TRAPPC9: variants seen among roughly 807,000 people sequenced by gnomAD.
TRAPPC9 encodes the protein trafficking protein particle complex subunit 9.
TRAPPC9 carries 83 observed loss-of-function variants against 124.0 expected under a neutral mutation model. The observed-to-expected ratio is 0.67, with a 90% confidence interval of 0.56 to 0.80. TRAPPC9 has a LOEUF of 0.80. TRAPPC9 is among the 30% of genes least tolerant of loss of function. The pLI is 0.00. For synonymous variants in TRAPPC9, 638 were observed against 617.5 expected (o/e 1.03, Z -0.49); for missense variants, 1,302 against 1,508.3 (o/e 0.86, Z 2.27).
intron 17 of TRAPPC9, among the ~76,000 whole-genome samples, chr8:140,050,264 C>T (rs1441326664): frequency 1.1e-4 from 17 of 152,236 alleles, no homozygotes. Flanking sequence ...TTCATTTGAA[C>T]TTCCCTTTAA....
chr8:140,424,978 CA>C (rs1225274361), intron 5 of TRAPPC9, among the ~76,000 whole-genome samples: 37 of 152,176 alleles, frequency 2.4e-4, no homozygotes, highest in African/African-American at 8.4e-4. Context: ...GGGAGCTGAA[CA>C]ATTTTACAAC....
At chr8:140,364,065 G>A (rs2068031237) in intron 8 of TRAPPC9, among the ~76,000 whole-genome samples, 1 of 152,170 alleles carries the variant, frequency 6.6e-6, no homozygotes, top group African/African-American at 2.4e-5. Context: ...GCATCCAGCT[G>A]TGACCTGAGG....
chr8:139,751,852 TATTCATCCATCCACTCACCATCTACCC>T (rs1467965772), intron 21 of TRAPPC9, among the ~76,000 whole-genome samples: 1 of 150,664 alleles, frequency 6.6e-6, no homozygotes, highest in Admixed American at 6.6e-5. Context: ...ATCTATCCAC[TATTCATCCATCCACTCACCATCTACCC>T]ATCCATCCAT....
chr8:139,955,085 T>C (rs746195374), intron 19 of TRAPPC9, among the ~76,000 whole-genome samples: 7 of 152,224 alleles, frequency 4.6e-5, no homozygotes, highest in Non-Finnish European at 8.8e-5. Flanking sequence ...GTTTTTATTA[T>C]AGTACTGGTT....
chr8:140,201,984 T>G (rs1435307648), intron 17 of TRAPPC9, among the ~76,000 whole-genome samples: 1 of 151,924 alleles, frequency 6.6e-6, no homozygotes, highest in African/African-American at 2.4e-5. Context: ...ATGTGGAAGG[T>G]TCCAGCATCG....
At chr8:140,124,652 G>T (rs1012427269) in intron 17 of TRAPPC9, among the ~76,000 whole-genome samples, 1 of 152,094 alleles carries the variant, frequency 6.6e-6, no homozygotes, top group Non-Finnish European at 1.5e-5. Flanking sequence ...CACCACGCAG[G>T]CAGGGAAGCA....
chr8:139,857,463 G>A (rs753826916), intron 21 of TRAPPC9, among the ~76,000 whole-genome samples: 1 of 152,148 alleles, frequency 6.6e-6, no homozygotes, highest in East Asian at 1.9e-4. Context: ...TGGGGAAGCC[G>A]AGGGTCACAC....
intron 5 of TRAPPC9, 47 bp from the exon 6 acceptor site, chr8:140,405,745 A>G: frequency 6.2e-7 from 1 of 1,611,322 alleles, no homozygotes; most frequent in South Asian, 1.1e-5. Context: ...CTTTTTCTGT[A>G]TTATTTCTTT....
chr8:140,169,014 G>T (rs1295222042), intron 17 of TRAPPC9, among the ~76,000 whole-genome samples: 3 of 150,950 alleles, frequency 2.0e-5, no homozygotes, highest in East Asian at 3.9e-4. Flanking sequence ...GTTTTCGAGG[G>T]GCTCGCGGTC....
intron 19 of TRAPPC9, among the ~76,000 whole-genome samples, chr8:139,950,542 T>G (rs539847738): frequency 6.6e-6 from 1 of 152,218 alleles, no homozygotes; most frequent in Non-Finnish European, 1.5e-5. Context: ...GTTGTGACTT[T>G]CAACAGGATG....
At chr8:140,340,633 G>T (rs1310138339) in intron 9 of TRAPPC9, among the ~76,000 whole-genome samples, 1 of 152,174 alleles carries the variant, frequency 6.6e-6, no homozygotes, top group Non-Finnish European at 1.5e-5. Context: ...TCAGTAAATT[G>T]TCAAAGGTCA....
chr8:140,042,211 G>GTC (rs1841320178), intron 17 of TRAPPC9, among the ~76,000 whole-genome samples: 1 of 122,908 alleles, frequency 8.1e-6, no homozygotes, highest in African/African-American at 3.9e-5. Flanking sequence ...GTGTATGTGT[G>GTC]TGTGTGTGTG....
intron 19 of TRAPPC9, among the ~76,000 whole-genome samples, chr8:139,974,523 T>A (rs1386077929): frequency 6.6e-6 from 1 of 152,202 alleles, no homozygotes; most frequent in African/African-American, 2.4e-5. Context: ...TAGTCCTGAT[T>A]GTGCAGCCCT....
chr8:140,272,856 C>T (rs2065000516), intron 15 of TRAPPC9, among the ~76,000 whole-genome samples: 1 of 151,590 alleles, frequency 6.6e-6, no homozygotes, highest in Admixed American at 6.6e-5. Flanking sequence ...CCCCCATGAC[C>T]CAAAACCCCC....
intron 21 of TRAPPC9, among the ~76,000 whole-genome samples, chr8:139,835,659 T>C (rs1238977553): frequency 6.6e-6 from 1 of 152,142 alleles, no homozygotes; most frequent in African/African-American, 2.4e-5. Flanking sequence ...TGCTGCCAAA[T>C]CTGCTTTCTT....
intron 15 of TRAPPC9, among the ~76,000 whole-genome samples, chr8:140,253,267 A>T (rs2064170937): frequency 6.6e-6 from 1 of 152,158 alleles, no homozygotes; most frequent in South Asian, 2.1e-4. Flanking sequence ...GTTAAACTAA[A>T]TTTCTCCACA....
At chr8:140,135,049 T>C (rs891326543) in intron 17 of TRAPPC9, among the ~76,000 whole-genome samples, 1 of 152,156 alleles carries the variant, frequency 6.6e-6, no homozygotes, top group African/African-American at 2.4e-5. Context: ...AAATGGCCAA[T>C]AAGCACATGA....
chr8:139,889,631 A>G (rs1024346018), intron 20 of TRAPPC9, among the ~76,000 whole-genome samples: 1 of 152,230 alleles, frequency 6.6e-6, no homozygotes, highest in African/African-American at 2.4e-5. Flanking sequence ...AAGCACAGTT[A>G]CGAAGGTAGA....
chr8:140,273,999 C>T (rs555604319), intron 15 of TRAPPC9, among the ~76,000 whole-genome samples: 2 of 152,254 alleles, frequency 1.3e-5, no homozygotes, highest in Admixed American at 1.3e-4. Flanking sequence ...GCCCCGGCTC[C>T]CCAGGGGATG....
Sources: allele counts gnomAD v4.1 joint callset (sites outside exome capture counted in the v4.1 genomes callset), GRCh38; gene constraint gnomAD v4.1.1; transcripts MANE v1.5; gene names NCBI Gene and HGNC (gene_info 2026-07-23, HGNC 2026-07-21).